KHDRBS2: variants seen among roughly 807,000 people sequenced by gnomAD.
KHDRBS2 encodes the protein KH domain-containing, RNA-binding, signal transduction-associated protein 2.
In KHDRBS2, 26 loss-of-function variants were observed where a neutral mutation model predicts 44.3. The ratio of observed to expected loss-of-function variants is 0.59; its 90% CI spans 0.43 to 0.81. The LOEUF is 0.81. Ranked by LOEUF, KHDRBS2 falls within the 40% of genes least tolerant of loss-of-function variation. The pLI, the probability that KHDRBS2 is intolerant of heterozygous loss-of-function variation, is 0.00. For missense variants in KHDRBS2, 476 were observed against 433.1 expected, an observed-to-expected ratio of 1.10 and a Z score of -0.88; for synonymous variants, 194 against 151.1, an observed-to-expected ratio of 1.28 and a Z score of -2.08.
chr6:61,640,073 A>G, the KHDRBS2 span, among the ~76,000 whole-genome samples: 1 of 152,120 alleles, frequency 6.6e-6, no homozygotes, highest in Non-Finnish European at 1.5e-5. Context: ...CTGTGGTATG[A>G]GAAAGGCATG....
chr6:62,224,529 A>ATGTCAG (rs2150154548), intron 1 of KHDRBS2, among the ~76,000 whole-genome samples: 2 of 152,332 alleles, frequency 1.3e-5, no homozygotes, highest in African/African-American at 4.8e-5. Flanking sequence ...AACACTGGTT[A>ATGTCAG]TGTAGGACTT....
At chr6:61,821,945 A>G (rs1445123036) in intron 6 of KHDRBS2, among the ~76,000 whole-genome samples, 2 of 152,062 alleles carry the variant, frequency 1.3e-5, no homozygotes, top group East Asian at 1.9e-4. Context: ...GTCAGAAGAC[A>G]TAGTTGACCC....
the KHDRBS2 span, among the ~76,000 whole-genome samples, chr6:61,571,734 A>G: frequency 2.0e-5 from 3 of 152,154 alleles, no homozygotes; most frequent in Non-Finnish European, 4.4e-5. Flanking sequence ...ACAGTGGAAT[A>G]AAACTGGAAA....
At chr6:62,047,104 T>C (rs1787873822) in intron 3 of KHDRBS2, among the ~76,000 whole-genome samples, 1 of 151,948 alleles carries the variant, frequency 6.6e-6, no homozygotes, top group African/African-American at 2.4e-5. Context: ...TTTAAACATT[T>C]CATTCTCCAT....
the KHDRBS2 span, among the ~76,000 whole-genome samples, chr6:61,609,256 G>T: frequency 6.6e-6 from 1 of 152,212 alleles, no homozygotes. Flanking sequence ...CTACTCAGGA[G>T]GCTGAGGCAG....
chr6:61,584,561 T>G, the KHDRBS2 span, among the ~76,000 whole-genome samples: 3 of 151,866 alleles, frequency 2.0e-5, no homozygotes, highest in African/African-American at 7.2e-5. Context: ...ACGTTTATCA[T>G]TTTTTGTATA....
chr6:61,590,700 G>A, the KHDRBS2 span, among the ~76,000 whole-genome samples: 1 of 152,080 alleles, frequency 6.6e-6, no homozygotes, highest in Non-Finnish European at 1.5e-5. Flanking sequence ...ATAAAGTACA[G>A]TCTATAAGCC....
chr6:61,801,194 C>T (rs1786195446), intron 6 of KHDRBS2, among the ~76,000 whole-genome samples: 2 of 151,960 alleles, frequency 1.3e-5, no homozygotes, highest in Admixed American at 1.3e-4. Flanking sequence ...CTCACATTTC[C>T]ACTGATTTTT....
chr6:61,573,914 G>C, the KHDRBS2 span, among the ~76,000 whole-genome samples: 1 of 131,172 alleles, frequency 7.6e-6, no homozygotes, highest in African/African-American at 2.9e-5. Context: ...TTACAAAACA[G>C]AACAGTGCTG....
chr6:61,635,496 G>A, the KHDRBS2 span, among the ~76,000 whole-genome samples: 1 of 151,972 alleles, frequency 6.6e-6, no homozygotes, highest in Admixed American at 6.6e-5. Flanking sequence ...TTACTTAAGT[G>A]CACATTTAGG....
chr6:62,245,004 TATA>T (rs1835310448), intron 1 of KHDRBS2, among the ~76,000 whole-genome samples: 1 of 151,892 alleles, frequency 6.6e-6, no homozygotes, highest in Admixed American at 6.6e-5. Flanking sequence ...AGGAGGAGAA[TATA>T]ATATTTTACA....
chr6:61,596,261 G>C, the KHDRBS2 span, among the ~76,000 whole-genome samples: 1 of 152,126 alleles, frequency 6.6e-6, no homozygotes, highest in African/African-American at 2.4e-5. Context: ...AAATTACAGA[G>C]GCAACAGTTT....
chr6:62,219,912 T>C (rs1234056656), intron 1 of KHDRBS2, among the ~76,000 whole-genome samples: 1 of 147,440 alleles, frequency 6.8e-6, no homozygotes, highest in Non-Finnish European at 1.5e-5. Context: ...TATAGATCTA[T>C]ACTTGAAATT....
chr6:62,118,181 T>C (rs1244118168), intron 2 of KHDRBS2, among the ~76,000 whole-genome samples: 3 of 152,236 alleles, frequency 2.0e-5, no homozygotes, highest in Non-Finnish European at 4.4e-5. Context: ...GTTAATGGTG[T>C]CTTTGTCAAA....
chr6:61,966,739 G>A (rs1247496866), intron 4 of KHDRBS2, among the ~76,000 whole-genome samples: 1 of 151,900 alleles, frequency 6.6e-6, no homozygotes, highest in Non-Finnish European at 1.5e-5. Context: ...TGGAATACGG[G>A]TTTTGAGAGT....
intron 1 of KHDRBS2, among the ~76,000 whole-genome samples, chr6:62,224,318 G>A (rs991809509): frequency 2.6e-5 from 4 of 152,122 alleles, no homozygotes; most frequent in African/African-American, 9.7e-5. Flanking sequence ...CTCCATGATT[G>A]AAATCATCTC....
chr6:62,083,165 T>C (rs1007009756), intron 2 of KHDRBS2, among the ~76,000 whole-genome samples: 3 of 125,102 alleles, frequency 2.4e-5, no homozygotes, highest in African/African-American at 8.2e-5. Context: ...ACCCCAGGCT[T>C]CACTGGGAGA....
chr6:61,839,119 A>T (rs549196052), intron 6 of KHDRBS2, among the ~76,000 whole-genome samples: 77 of 152,152 alleles, frequency 5.1e-4, no homozygotes, highest in African/African-American at 1.7e-3. Context: ...TTTTATAGAG[A>T]TGGGGTGGGG....
At chr6:61,990,384 G>T in intron 3 of KHDRBS2, among the ~76,000 whole-genome samples, 1 of 152,096 alleles carries the variant, frequency 6.6e-6, no homozygotes, top group East Asian at 1.9e-4. Flanking sequence ...TACAAAGAGA[G>T]ATAAGAAATA....
Sources: gnomAD v4.1 joint callset for allele counts (sites outside exome capture counted in the v4.1 genomes callset) on GRCh38, gnomAD v4.1.1 for gene constraint, MANE v1.5 for transcripts, NCBI Gene and HGNC (gene_info 2026-07-23, HGNC 2026-07-21) for gene names.